EFTUD2: variants seen among roughly 807,000 people sequenced by gnomAD.
EFTUD2 encodes the protein 116 kDa U5 small nuclear ribonucleoprotein component.
A neutral mutation model predicts 114.3 loss-of-function variants in EFTUD2; 9 were observed. That is an observed-to-expected ratio of 0.08 (90% CI 0.05 to 0.14). The LOEUF (loss-of-function observed/expected upper bound fraction) is 0.14. EFTUD2 is among the 10% of genes least tolerant of loss of function. EFTUD2 has a pLI of 1.00. For synonymous variants in EFTUD2, 449 were observed against 462.3 expected (o/e 0.97, Z 0.37); for missense variants, 765 against 1,241.2 (o/e 0.62, Z 5.76).
intron 13 of EFTUD2, among the ~76,000 whole-genome samples, chr17:44,867,261 GAA>G (rs1166741898): frequency 4.0e-5 from 6 of 151,424 alleles, no homozygotes; most frequent in Non-Finnish European, 8.8e-5. Context: ...TGCTCTAGGA[GAA>G]GTCTTTTCTT....
chr17:44,863,547 G>A (rs938860652), intron 15 of EFTUD2, 108 bp downstream of exon 15: 28 of 1,477,452 alleles, frequency 1.9e-5, no homozygotes, highest in Admixed American at 6.1e-5. Context: ...CATGGGGATG[G>A]GGAGGCAAGG....
chr17:44,874,970 T>C (rs1018885443), intron 10 of EFTUD2, among the ~76,000 whole-genome samples: 1 of 152,240 alleles, frequency 6.6e-6, no homozygotes, highest in Non-Finnish European at 1.5e-5. Context: ...TTTGCTACTA[T>C]TGCTGTTAGG....
chr17:44,854,582 G>T lies in EFTUD2; in HGVS notation c.2233C>A (p.Leu745Met). The part of the protein sequence containing the change: ...FGPDATGPNI[L>M]VDDTLPSEVD... ...TCAGAGGGCAGAGTATCATCCACCAGAATGTTGGGGCCAGTCGCATCAGGG... is the reference window on the plus strand; with the variant it reads ...TCAGAGGGCAGAGTATCATCCACCATAATGTTGGGGCCAGTCGCATCAGGG... Residue 745 changes from leucine (L) to methionine (M), a missense_variant, in exon 22 of 28, where the codon CTG becomes ATG. Physicochemically the swap from Leu to Met is conservative, Grantham distance 15. Around this residue, in one of 6 missense-constraint regions of EFTUD2, gnomAD observed 166 missense variants for 401.5 expected, o/e 0.41. Transcript: ENST00000426333. The surrounding 1 kb of genome is among the most constrained non-coding windows in gnomAD (Gnocchi z 4.3). The T allele has an allele frequency of 6.2e-7, 1 of 1,614,186 alleles. No homozygotes were observed. The highest frequency in any genetic ancestry group is 1.1e-5 in the South Asian group (1 of 91,072).
rs1318842197 is a variant in EFTUD2 at position 44,886,661 on chromosome 17, G to A, written c.195C>T (p.Tyr65=). ...CATACACCTCCTCGGCTGTTGGGTA[G>A]TACTTCTTGTCCTCATGCAGCACCA... ...MEVVLHEDKK[Y]YPTAEEVYGP... The change falls in exon 3 of 28, where the codon TAC becomes TAT. Residue 65 remains tyrosine (Y), a synonymous_variant. Coordinates refer to ENST00000426333, the MANE Select transcript of EFTUD2 (RefSeq NM_004247.4). The A allele has an allele frequency of 3.1e-6, 5 of 1,614,154 alleles. No individual in the cohort carries two copies. The African/African-American group carries it at 6.7e-5, about 22-fold the overall frequency.
Position 44,850,779 on chromosome 17 carries a change from T to C in EFTUD2, c.*495A>G, listed in dbSNP as rs984506206. ...TGAATTAAAAGGCAGGCGGCTTCCC[T>C]GGGGACCCAGGCAGGAAGGAGGCTG... On this transcript the variant is annotated 3_prime_UTR_variant, in exon 28 of 28. Transcript: ENST00000426333. 2.6e-5 allele frequency: 6 copies of C among 228,274 alleles called. No individual in the cohort carries two copies. In the South Asian group the frequency reaches 5.0e-4, roughly 19 times the overall value. 14.1% of individuals were successfully genotyped at this position (228,274 alleles called of 1,614,324 possible). A position where few individuals can be genotyped will look rare whatever the true frequency, so the allele number is the denominator to read the frequency against.
intron 1 of EFTUD2, among the ~76,000 whole-genome samples, chr17:44,897,922 C>A (rs952642482): frequency 3.9e-5 from 6 of 151,978 alleles, no homozygotes; most frequent in African/African-American, 1.5e-4. Flanking sequence ...CAGCCAATAG[C>A]CAAGACAGCA....
Position 44,857,325 on chromosome 17 carries a change from A to G in EFTUD2, c.1963-168T>C, listed in dbSNP as rs531030060. ...ACAGCAGGTTAAAAGAGCTGTCCAA[A>G]TCATCACCAAAAAGCCCAAGAAAAC... is the stretch of plus-strand genomic sequence containing the variant. On this transcript the variant is annotated intron_variant, in intron 19 of 27. Transcript: ENST00000426333. 84 of 583,458 alleles carry G rather than the reference A, an allele frequency of 1.4e-4. 1 individual carries two copies. The highest frequency in any genetic ancestry group is 1.3e-3 in the African/African-American group (69 of 53,476). The allele number at this position is 583,458 out of a possible 1,614,324, so 36.1% of individuals were successfully genotyped here.
At chr17:44,865,117 G>A (rs551167340) in intron 13 of EFTUD2, 52 bp from the exon 14 acceptor site, 322 of 1,599,216 alleles carry the variant, frequency 2.0e-4, no homozygotes, top group Non-Finnish European at 2.5e-4. Context: ...TGAGCATGGT[G>A]CTAGAGGGAG....
intron 17 of EFTUD2, 60 bp from the exon 18 acceptor site, chr17:44,860,105 G>C: frequency 6.2e-7 from 1 of 1,611,202 alleles, no homozygotes; most frequent in Non-Finnish European, 8.5e-7. Flanking sequence ...AGAAAGTGCA[G>C]AGGTATGAGA....
At chr17:44,862,461 A>G (rs570611969) in intron 16 of EFTUD2, among the ~76,000 whole-genome samples, 1 of 152,272 alleles carries the variant, frequency 6.6e-6, no homozygotes, top group African/African-American at 2.4e-5. Context: ...GCTAAAAAAA[A>G]AAGTTCACAC....
Position 44,860,503 on chromosome 17 carries a change from C to G in EFTUD2, c.1648G>C (p.Val550Leu). The change falls in exon 17 of 28, where the codon GTT becomes CTT. Residue 550 changes from valine to leucine, a missense_variant. This residue lies in a region of EFTUD2 where 149 missense variants were observed against 245.1 expected (regional missense o/e 0.61). Transcript: ENST00000426333. Reference protein sequence around the residue: ...EVNRVPAGNWVLIEGVDQPIV... With the variant: ...EVNRVPAGNWLLIEGVDQPIV... ...GGTTGATCAACACCTTCAATCAGAACCCAGTTGCCAGCAGGAACACGGTTC... is the reference window on the plus strand; with the variant it reads ...GGTTGATCAACACCTTCAATCAGAAGCCAGTTGCCAGCAGGAACACGGTTC... The G allele has an allele frequency of 6.2e-7, 1 of 1,614,058 alleles. No homozygotes were observed. Among genetic ancestry groups the G allele is most frequent in the Non-Finnish European group, 8.5e-7 (1 of 1,179,990 alleles).
intron 2 of EFTUD2, among the ~76,000 whole-genome samples, chr17:44,890,679 C>T (rs111865553): frequency 4.1e-4 from 62 of 151,988 alleles, no homozygotes; most frequent in African/African-American, 1.4e-3. Context: ...GCAACAAGAG[C>T]GAAACTCCAT....
At chr17:44,856,289 G>A (rs1398419931) in intron 20 of EFTUD2, among the ~76,000 whole-genome samples, 1 of 151,916 alleles carries the variant, frequency 6.6e-6, no homozygotes, top group African/African-American at 2.4e-5. Context: ...AGCATTTTGG[G>A]AGGCCGAGGC....
rs1172595325 is a variant in EFTUD2 at position 44,850,304 on chromosome 17, G to A, written c.*970C>T. 3.8e-6 allele frequency: 6 copies of A among 1,593,496 alleles called. No homozygotes were observed. Among genetic ancestry groups the A allele is most frequent in the Non-Finnish European group, 4.3e-6 (5 of 1,165,444 alleles). On this transcript the variant is annotated 3_prime_UTR_variant, in exon 28 of 28. Coordinates refer to ENST00000426333, the MANE Select transcript of EFTUD2 (RefSeq NM_004247.4). ...GGACGGGTGAAGGGTTTGATGCCAA[G>A]GGGCATTATTTCTTTTCTCTCACAC...
chr17:44,887,907 A>G (rs1283816470), intron 2 of EFTUD2, among the ~76,000 whole-genome samples: 1 of 152,224 alleles, frequency 6.6e-6, no homozygotes, highest in Non-Finnish European at 1.5e-5. Flanking sequence ...AGTCTTCCAA[A>G]TAATCTAAGG....
intron 2 of EFTUD2, among the ~76,000 whole-genome samples, chr17:44,893,133 T>G (rs1210623974): frequency 1.3e-5 from 2 of 151,940 alleles, no homozygotes; most frequent in Admixed American, 6.6e-5. Flanking sequence ...TTTTTTTTTT[T>G]TTGTTTGAGA....
At chr17:44,855,491 C>T (rs1200906439) in intron 20 of EFTUD2, among the ~76,000 whole-genome samples, 2 of 152,036 alleles carry the variant, frequency 1.3e-5, no homozygotes, top group Admixed American at 1.3e-4. Flanking sequence ...TCACTTGAAC[C>T]CAGAAGGCGG....
At chr17:44,870,486 T>C (rs2050828848) in intron 11 of EFTUD2, among the ~76,000 whole-genome samples, 1 of 152,226 alleles carries the variant, frequency 6.6e-6, no homozygotes, top group Non-Finnish European at 1.5e-5. Context: ...ATGTATACAG[T>C]TGACCCTTGA....
intron 18 of EFTUD2, chr17:44,859,483 T>C: frequency 3.9e-6 from 2 of 513,898 alleles, no homozygotes; most frequent in Admixed American, 3.2e-5. Flanking sequence ...TTAGCCCTCC[T>C]GGCCTGCTAC....
Sources: allele counts gnomAD v4.1 joint callset (sites outside exome capture counted in the v4.1 genomes callset), GRCh38; gene constraint gnomAD v4.1.1; regional missense constraint gnomAD v4.1.1; non-coding constraint Gnocchi (gnomAD v3.1); transcripts MANE v1.5; gene names NCBI Gene and HGNC (gene_info 2026-07-23, HGNC 2026-07-21).